Variants in ITGB7 observed in about 807,000 individuals in gnomAD.
ITGB7 encodes integrin beta-7.
ITGB7 carries 55 observed loss-of-function variants against 83.4 expected under a neutral mutation model. The observed-to-expected ratio is 0.66, with a 90% CI of 0.53 to 0.83. The LOEUF (loss-of-function observed/expected upper bound fraction) is 0.83. ITGB7 is among the 40% of genes least tolerant of loss of function. The probability of loss-of-function intolerance (pLI) is 0.00; values close to 1 mark genes in which losing one functional copy is unlikely to be tolerated. For synonymous variants in ITGB7, 454 were observed against 423.6 expected (o/e 1.07, Z -0.88); for missense variants, 921 against 1,046.7 (o/e 0.88, Z 1.66).
chr12:53,197,439 G>T (rs1243845945), intron 5 of ITGB7, 54 bp downstream of exon 5: 2 of 1,598,892 alleles, frequency 1.3e-6, no homozygotes, highest in Non-Finnish European at 1.7e-6. Context: ...CAGAGGCTAG[G>T]GCAGTGGTTG....
intron 10 of ITGB7, 69 bp downstream of exon 10, chr12:53,194,129 T>G: frequency 6.2e-7 from 1 of 1,602,346 alleles, no homozygotes; most frequent in Non-Finnish European, 8.5e-7. Context: ...ACCCATCTTT[T>G]CCTGCCTGCT....
intron 6 of ITGB7, 54 bp downstream of exon 6, chr12:53,196,525 C>T (rs1942166061): frequency 1.3e-6 from 2 of 1,567,496 alleles, no homozygotes; most frequent in African/African-American, 1.3e-5. Context: ...CCATAAGGGG[C>T]AGTCCTGTTC....
At chr12:53,195,245 G>A (rs1453177325) in intron 9 of ITGB7, 129 bp downstream of exon 9, 6 of 689,152 alleles carry the variant, frequency 8.7e-6, no homozygotes. Context: ...GCAGACTATA[G>A]GTAGGAGCTG....
Position 53,193,380 on chromosome 12 carries a change from A to G in ITGB7, c.1503-17T>C. 1.3e-6 allele frequency: 2 copies of G among 1,538,636 alleles called. No homozygotes were observed. The highest frequency in any genetic ancestry group is 1.8e-6 in the Non-Finnish European group (2 of 1,136,780). On this transcript the variant is annotated splice_polypyrimidine_tract_variant and intron_variant, in intron 11 of 15. Transcript: ENST00000267082. ...GGGGCACAGCTGGAAGGGGAAGGCA[A>G]AGGAGAGAAGTAGGTCAGAGGGTTT...
intron 1 of ITGB7, among the ~76,000 whole-genome samples, chr12:53,204,833 C>CTTTTT (rs763869314): frequency 3.1e-5 from 4 of 128,978 alleles, no homozygotes; most frequent in African/African-American, 6.3e-5. Context: ...TTTTCTTTAC[C>CTTTTT]TTTTTTTTTT....
At chr12:53,195,508 G>A (rs1470630315) in intron 8 of ITGB7, 45 bp from the exon 9 acceptor site, 1 of 1,556,792 alleles carries the variant, frequency 6.4e-7, no homozygotes. Flanking sequence ...ACAGCTCTAG[G>A]AAAATGGGCT....
At chr12:53,193,402 G>A (rs1488257976) in intron 11 of ITGB7, 39 bp from the exon 12 acceptor site, 1 of 1,420,590 alleles carries the variant, frequency 7.0e-7, no homozygotes, top group Non-Finnish European at 9.5e-7. Flanking sequence ...AGGTCAGAGG[G>A]TTTGATCACC....
intron 2 of ITGB7, 22 bp from the exon 3 acceptor site, chr12:53,200,468 G>T (rs750912881): frequency 2.2e-5 from 36 of 1,604,476 alleles, no homozygotes; most frequent in Non-Finnish European, 3.1e-5. Flanking sequence ...TATAAAGGGG[G>T]ACATGTGGGT....
Position 53,196,567 on chromosome 12 carries a change from C to G in ITGB7, c.816+12G>C. ...AGACCTCCAGGCTCAGATCCCCGCC[C>G]CACCTCCTCACCTGGCAGAGTGCAG... On this transcript the variant is annotated intron_variant, in intron 6 of 15. Transcript: ENST00000267082. 2.5e-6 allele frequency: 4 copies of G among 1,602,480 alleles called. No individual in the cohort carries two copies. Among genetic ancestry groups the G allele is most frequent in the Non-Finnish European group, 3.4e-6 (4 of 1,171,004 alleles).
chr12:53,197,770 A>G lies in ITGB7; in HGVS notation c.383T>C (p.Val128Ala). 1.9e-6 allele frequency: 3 copies of G among 1,566,222 alleles called. No homozygotes were observed. Among genetic ancestry groups the G allele is most frequent in the Non-Finnish European group, 2.6e-6 (3 of 1,158,518 alleles). The stretch of plus-strand genomic sequence containing the variant: ...CTCACCAGGCCGCAGCGTGACCCGG[A>G]CCCGCTGCGGCGCCAGCTGGGTGGC... Reference protein sequence around the residue: ...EGATQLAPQRVRVTLRPGEPQ... With the variant: ...EGATQLAPQRARVTLRPGEPQ... The change falls in exon 4 of 16, where the codon GTC becomes GCC. Residue 128 changes from valine to alanine, a missense_variant. Val to Ala is a moderately conservative substitution (Grantham distance 64, BLOSUM62 0). Transcript: ENST00000267082.
At position 53,197,847 on chromosome 12, in the gene ITGB7, C is replaced by G. The variant is rs565468529; in HGVS notation, c.306G>C (p.Gln102His). The change falls in exon 4 of 16, where the codon CAG becomes CAC. Residue 102 changes from glutamine (Q) to histidine (H), a missense_variant. Transcript: ENST00000267082. ...GCGGCTGGTCCTGCAGCACCTCCTG[C>G]TGGCCGCGGGGCTCCTCCAGCTCCT... ...PLEELEEPRG[Q>H]QEVLQDQPLS... 1 of 1,532,066 alleles carries G rather than the reference C, an allele frequency of 6.5e-7. No individual in the cohort carries two copies. Among genetic ancestry groups the G allele is most frequent in the Non-Finnish European group, 8.7e-7 (1 of 1,144,950 alleles). The allele number at this position is 1,532,066 out of a possible 1,614,324, so 94.9% of individuals were successfully genotyped here.
At chr12:53,195,996 G>T in intron 7 of ITGB7, 45 bp downstream of exon 7, 1 of 1,603,352 alleles carries the variant, frequency 6.2e-7, no homozygotes, top group East Asian at 2.2e-5. Context: ...GAAGGAAAGA[G>T]GTGTGGCTGA....
chr12:53,198,075 C>T, intron 3 of ITGB7, 124 bp from the exon 4 acceptor site: 1 of 649,660 alleles, frequency 1.5e-6, no homozygotes, highest in East Asian at 3.1e-5. Flanking sequence ...CCTTGAGTCC[C>T]TGATTCCCTC....
rs199702415 is a variant in ITGB7 at position 53,192,463 on chromosome 12, A to G, written c.2022T>C (p.Asn674=). The stretch of plus-strand genomic sequence containing the variant: ...AGATAGGGGCCAAGGCCAGGGTCAC[A>G]TTGGTATGGGCACAAGCTGTACTGC... ...TNCSTACAHT[N]VTLALAPILD... The change falls in exon 14 of 16, where the codon AAT becomes AAC. Residue 674 remains asparagine, a synonymous_variant. Coordinates refer to ENST00000267082, the MANE Select transcript of ITGB7 (RefSeq NM_000889.3). The G allele has an allele frequency of 7.4e-5, 120 of 1,614,020 alleles. No homozygotes were observed. Among genetic ancestry groups the G allele is most frequent in the Middle Eastern group, 1.6e-4 (1 of 6,084 alleles).
intron 1 of ITGB7, among the ~76,000 whole-genome samples, chr12:53,201,927 G>C (rs749517390): frequency 6.6e-6 from 1 of 152,138 alleles, no homozygotes; most frequent in South Asian, 2.1e-4. Context: ...AAGACAGTGT[G>C]GTACTGGCAT....
In ITGB7 at chr12:53,193,824, G is replaced by A. The variant is rs762957507; in HGVS notation, c.1386C>T (p.Phe462=). ...GCAACTCCACAATCAGCTCCTCTGA[G>A]AAGCCAAGGGCCCGGAGCCTCAGGA... ...PHLLRLRALG[F]SEELIVELHT... is the part of the protein sequence containing the mutation. Residue 462 remains phenylalanine (F), a synonymous_variant, in exon 11 of 16, where the codon TTC becomes TTT. Transcript: ENST00000267082. 1.1e-5 allele frequency: 18 copies of A among 1,614,106 alleles called. No homozygotes were observed. The East Asian group carries it at 4.0e-4, about 36-fold the overall frequency.
intron 12 of ITGB7, 37 bp from the exon 13 acceptor site, chr12:53,192,947 CCACA>C (rs759211981): frequency 1.0e-5 from 16 of 1,590,314 alleles, no homozygotes; most frequent in African/African-American, 9.4e-5. Context: ...CAACCATACT[CCACA>C]CACACAGTTG....
In ITGB7 at chr12:53,196,166, G is replaced by A. The variant is rs140683557; in HGVS notation, c.850C>T (p.Leu284=). 8.1e-6 allele frequency: 13 copies of A among 1,614,186 alleles called. No individual in the cohort carries two copies. The highest frequency in any genetic ancestry group is 1.1e-5 in the Non-Finnish European group (13 of 1,180,012). ...QIGWRNVSRL[L]VFTSDDTFHT... ...AATGTGTCGTCTGAAGTGAACACCA[G>A]CAGCCGGGACACATTTCTCCAGCCA... The change falls in exon 7 of 16, where the codon CTG becomes TTG. Residue 284 remains leucine (L), a synonymous_variant. Coordinates refer to ENST00000267082, the MANE Select transcript of ITGB7 (RefSeq NM_000889.3).
chr12:53,200,362 T>C lies in ITGB7; in HGVS notation c.82A>G (p.Thr28Ala). The C allele has an allele frequency of 1.9e-6, 3 of 1,614,192 alleles. No homozygotes were observed. The highest frequency in any genetic ancestry group is 2.5e-6 in the Non-Finnish European group (3 of 1,180,032). The change falls in exon 3 of 16, where the codon ACA becomes GCA. Residue 28 changes from threonine to alanine, a missense_variant. Thr to Ala is a moderately conservative substitution (Grantham distance 58, BLOSUM62 0). Coordinates refer to ENST00000267082, the MANE Select transcript of ITGB7 (RefSeq NM_000889.3). ...TTCCGCCATTCTGTGGCATCCCCTGTGGATGGGATCTTGGCGTCCAATTCA... is the reference window on the plus strand; with the variant it reads ...TTCCGCCATTCTGTGGCATCCCCTGCGGATGGGATCTTGGCGTCCAATTCA... Reference protein sequence around the residue: ...ESELDAKIPSTGDATEWRNPH... With the variant: ...ESELDAKIPSAGDATEWRNPH...
Sources: allele counts gnomAD v4.1 joint callset (sites outside exome capture counted in the v4.1 genomes callset), GRCh38; gene constraint gnomAD v4.1.1; transcripts MANE v1.5; gene names NCBI Gene and HGNC (gene_info 2026-07-23, HGNC 2026-07-21).